The following SLC12A8 variants were observed in gnomAD, a reference collection of about 807,000 sequenced individuals.
SLC12A8 encodes cation-chloride cotransporter 9.
Under a neutral mutation model 75.6 loss-of-function variants are expected in SLC12A8, and 69 were observed. That is an observed-to-expected ratio of 0.91 (90% CI 0.75 to 1.11). The LOEUF (loss-of-function observed/expected upper bound fraction) is 1.11, where lower values mean the gene tolerates loss of function less well. SLC12A8 is among the 50% of genes most tolerant of loss of function. The pLI is 0.00. For synonymous variants in SLC12A8, 365 were observed against 372.8 expected (o/e 0.98, Z 0.24); for missense variants, 877 against 896.7 (o/e 0.98, Z 0.28).
chr3:125,107,559 C>A lies in SLC12A8; in HGVS notation c.1627G>T (p.Glu543Ter), dbSNP rs200535650. 4.3e-6 allele frequency: 7 copies of A among 1,614,054 alleles called. No individual in the cohort carries two copies. The highest frequency in any genetic ancestry group is 5.9e-6 in the Non-Finnish European group (7 of 1,180,018). Residue 543 changes from glutamate to a stop codon, truncating the protein, a stop_gained, in exon 10 of 14, where the codon GAA becomes TAA. Transcript: ENST00000469902. LOFTEE classifies it high-confidence loss of function. Reference protein sequence around the residue: ...SCWNKQTSKSEGTQPEGTYGE... With the variant: ...SCWNKQTSKS Reference sequence around the variant, plus strand: ...TATGTTCCCTCAGGCTGAGTCCCTTCGCTCTTGGAAGTCTGCTTGTTCCAG... The same window carrying A: ...TATGTTCCCTCAGGCTGAGTCCCTTAGCTCTTGGAAGTCTGCTTGTTCCAG...
intron 10 of SLC12A8, among the ~76,000 whole-genome samples, chr3:125,106,359 G>C (rs181043749): frequency 8.4e-6 from 1 of 119,150 alleles, no homozygotes; most frequent in African/African-American, 3.2e-5. Context: ...GGGGTTTTTT[G>C]TTGTTGTTGT....
At chr3:125,148,971 G>T (rs1247594144) in intron 5 of SLC12A8, among the ~76,000 whole-genome samples, 2 of 98,256 alleles carry the variant, frequency 2.0e-5, no homozygotes, top group Non-Finnish European at 3.9e-5. Flanking sequence ...ACCAGCAGCG[G>T]GGGGGCACAG....
chr3:125,118,777 C>T lies in SLC12A8; in HGVS notation c.904G>A (p.Ala302Thr). 2 of 1,613,362 alleles carry T rather than the reference C, an allele frequency of 1.2e-6. No individual in the cohort carries two copies. The highest frequency in any genetic ancestry group is 1.7e-6 in the Non-Finnish European group (2 of 1,179,478). The change falls in exon 8 of 14, where the codon GCG becomes ACG. Residue 302 changes from alanine (A) to threonine (T), a missense_variant. Coordinates refer to ENST00000469902, the MANE Select transcript of SLC12A8 (RefSeq NM_024628.6). ...REALRYDFLI[A>T]EKVSLMGFLF... ...GCGCAGGCCTCACTCACCTTTTCCG[C>T]TATCAGGAAGTCATAGCGAAGGGCC...
intron 5 of SLC12A8, among the ~76,000 whole-genome samples, chr3:125,166,213 C>A (rs1934283753): frequency 6.6e-6 from 1 of 152,086 alleles, no homozygotes; most frequent in Non-Finnish European, 1.5e-5. Flanking sequence ...TCCCCCACAC[C>A]TGTTCCAGCT....
chr3:125,101,411 A>G (rs564774155), intron 10 of SLC12A8, among the ~76,000 whole-genome samples: 1 of 152,234 alleles, frequency 6.6e-6, no homozygotes, highest in Non-Finnish European at 1.5e-5. Context: ...GTGAGCATTA[A>G]TTTTTCAAAT....
intron 6 of SLC12A8, among the ~76,000 whole-genome samples, chr3:125,132,134 C>A (rs1326469761): frequency 6.6e-6 from 1 of 152,278 alleles, no homozygotes; most frequent in African/African-American, 2.4e-5. Context: ...CTGTTTAAAA[C>A]CCTAAGCCCC....
At chr3:125,179,216 T>C (rs1934601267) in intron 4 of SLC12A8, among the ~76,000 whole-genome samples, 1 of 152,174 alleles carries the variant, frequency 6.6e-6, no homozygotes, top group Non-Finnish European at 1.5e-5. Flanking sequence ...TCTGAATAAA[T>C]AGTAAGCTAA....
intron 5 of SLC12A8, among the ~76,000 whole-genome samples, chr3:125,153,914 A>G (rs943828824): frequency 1.3e-5 from 2 of 152,090 alleles, no homozygotes; most frequent in African/African-American, 4.8e-5. Context: ...CACCCAGCTA[A>G]TTTTTGTATT....
At chr3:125,084,989 T>G (rs1938423470) in intron 13 of SLC12A8, among the ~76,000 whole-genome samples, 1 of 152,256 alleles carries the variant, frequency 6.6e-6, no homozygotes, top group Admixed American at 6.5e-5. Context: ...GGTAGAAATC[T>G]AATGTTATTG....
chr3:125,168,055 C>T (rs1406159438), intron 5 of SLC12A8, among the ~76,000 whole-genome samples: 4 of 152,160 alleles, frequency 2.6e-5, no homozygotes, highest in African/African-American at 7.2e-5. Context: ...AGGTGTCAGT[C>T]GCCCTTAGGA....
chr3:125,179,887 G>C (rs1934617650), intron 4 of SLC12A8, among the ~76,000 whole-genome samples: 1 of 152,256 alleles, frequency 6.6e-6, no homozygotes, highest in East Asian at 1.9e-4. Flanking sequence ...AATTATCTGA[G>C]CAAAATAAAA....
chr3:125,158,759 G>A (rs1237685218), intron 5 of SLC12A8, among the ~76,000 whole-genome samples: 2 of 152,162 alleles, frequency 1.3e-5, no homozygotes, highest in African/African-American at 4.8e-5. Flanking sequence ...GTTTCTGACT[G>A]CTGTGATTAA....
At chr3:125,086,810 C>A (rs1020004720) in intron 13 of SLC12A8, among the ~76,000 whole-genome samples, 1 of 152,172 alleles carries the variant, frequency 6.6e-6, no homozygotes, top group African/African-American at 2.4e-5. Context: ...TCCCCATGCA[C>A]CCCAGCCTCC....
At chr3:125,118,121 C>T (rs1939358018) in intron 8 of SLC12A8, among the ~76,000 whole-genome samples, 1 of 152,238 alleles carries the variant, frequency 6.6e-6, no homozygotes, top group Admixed American at 6.5e-5. Flanking sequence ...AAAAGTGAGG[C>T]ACTTGCTTAA....
chr3:125,091,912 T>A (rs985748626), intron 11 of SLC12A8, among the ~76,000 whole-genome samples, 189 bp downstream of exon 11: 1 of 152,216 alleles, frequency 6.6e-6, no homozygotes, highest in African/African-American at 2.4e-5. Context: ...AAGGAAATTA[T>A]TGATTAAAAT....
intron 3 of SLC12A8, among the ~76,000 whole-genome samples, chr3:125,189,979 G>T (rs1274565703): frequency 6.6e-6 from 1 of 152,162 alleles, no homozygotes; most frequent in East Asian, 1.9e-4. Flanking sequence ...CTACAGGGTT[G>T]CAGTGTGGTG....
chr3:125,203,419 T>C (rs1230566350), intron 2 of SLC12A8, among the ~76,000 whole-genome samples: 1 of 152,030 alleles, frequency 6.6e-6, no homozygotes, highest in Non-Finnish European at 1.5e-5. Flanking sequence ...GAATAGAGAA[T>C]CTGGAAATAA....
intron 13 of SLC12A8, among the ~76,000 whole-genome samples, chr3:125,085,685 T>A (rs4679324): frequency 2.6e-5 from 4 of 152,020 alleles, no homozygotes; most frequent in African/African-American, 9.7e-5. Context: ...CAAGCAATTC[T>A]CATGCCTCAG....
chr3:125,123,934 C>A (rs983389230), intron 6 of SLC12A8, among the ~76,000 whole-genome samples: 2 of 152,186 alleles, frequency 1.3e-5, no homozygotes, highest in Non-Finnish European at 2.9e-5. Context: ...GAGAACACCA[C>A]AGCAATATAT....
Sources: gnomAD v4.1 joint callset for allele counts (sites outside exome capture counted in the v4.1 genomes callset) on GRCh38, gnomAD v4.1.1 for gene constraint, MANE v1.5 for transcripts, NCBI Gene and HGNC (gene_info 2026-07-23, HGNC 2026-07-21) for gene names.